Variants in SNX19 observed in about 807,000 individuals in gnomAD.
SNX19 encodes sorting nexin-19.
SNX19 carries 60 observed loss-of-function variants against 85.2 expected under a neutral mutation model. The ratio of observed to expected loss-of-function variants is 0.70; its 90% CI spans 0.57 to 0.87. The LOEUF (loss-of-function observed/expected upper bound fraction) is 0.87. Among genes scored for constraint, SNX19 ranks in the 40% least tolerant of loss-of-function variants. SNX19 has a pLI of 0.00. For missense variants in SNX19, 1,201 were observed against 1,217.8 expected (o/e 0.99, Z 0.21); for synonymous variants, 520 against 470.0 (o/e 1.11, Z -1.38).
chr11:130,905,692 T>C (rs780938546), intron 7 of SNX19: 1 of 1,524,404 alleles, frequency 6.6e-7, no homozygotes, highest in South Asian at 1.2e-5. Flanking sequence ...TAATGAGTTA[T>C]CAATATTATC....
At position 130,878,346 on chromosome 11, in the gene SNX19, C is replaced by A; in HGVS notation, c.*76G>T. 6.5e-7 allele frequency: 1 copy of A among 1,537,976 alleles called. No homozygotes were observed. The highest frequency in any genetic ancestry group is 1.3e-5 in the South Asian group (1 of 79,832). On this transcript the variant is annotated 3_prime_UTR_variant, in exon 11 of 11. Transcript: ENST00000265909. Reference sequence around the variant, plus strand: ...TTAGCTGTAGCCTACTTGAAGAGGGCACGGGCTTCCTGACTGGTCTCTGGT... The same window carrying A: ...TTAGCTGTAGCCTACTTGAAGAGGGAACGGGCTTCCTGACTGGTCTCTGGT...
At chr11:130,883,465 C>T (rs1943833422) in intron 8 of SNX19, among the ~76,000 whole-genome samples, 1 of 152,166 alleles carries the variant, frequency 6.6e-6, no homozygotes, top group Admixed American at 6.5e-5. Context: ...CACAAACTGG[C>T]AGAAATAAAC....
chr11:130,890,331 A>G (rs1944409873), intron 8 of SNX19, among the ~76,000 whole-genome samples: 2 of 152,138 alleles, frequency 1.3e-5, no homozygotes, highest in African/African-American at 2.4e-5. Context: ...CACCTTTTCT[A>G]TCAATGAAAC....
rs1942871523 is a variant in SNX19 at position 130,868,476 on chromosome 11, A to G, written c.*9946T>C. The stretch of plus-strand genomic sequence containing the variant: ...GATATGTGCTTATGAGATGGGTCAT[A>G]GTTAAGAGCTGCCAGCCTGGGGTCT... On this transcript the variant is annotated 3_prime_UTR_variant, in exon 11 of 11. Transcript: ENST00000265909. The G allele has an allele frequency of 6.6e-6, 1 of 152,160 alleles. No individual in the cohort carries two copies. 9.4% of individuals were successfully genotyped at this position (152,160 alleles called of 1,614,324 possible).
At chr11:130,890,043 G>T (rs76730605) in intron 8 of SNX19, among the ~76,000 whole-genome samples, 1 of 152,090 alleles carries the variant, frequency 6.6e-6, no homozygotes, top group African/African-American at 2.4e-5. Flanking sequence ...AATCAGAGTA[G>T]ATACTAATCT....
chr11:130,876,759 A>G lies in SNX19; in HGVS notation c.*1663T>C, dbSNP rs151098164. ...TCACGGAAAGTAGAGATGCTGAGCT[A>G]CCTTTTCTTGTCAAAGTCTAGGGCT... On this transcript the variant is annotated 3_prime_UTR_variant, in exon 11 of 11. Transcript: ENST00000265909. 107 of 152,772 alleles carry G rather than the reference A, an allele frequency of 7.0e-4. No homozygotes were observed. The highest frequency in any genetic ancestry group is 2.6e-3 in the African/African-American group (106 of 41,564). The allele number at this position is 152,772 out of a possible 1,614,324, so 9.5% of individuals were successfully genotyped here.
chr11:130,890,335 A>G (rs771469344), intron 8 of SNX19, among the ~76,000 whole-genome samples: 3 of 152,170 alleles, frequency 2.0e-5, no homozygotes, highest in Non-Finnish European at 4.4e-5. Context: ...TTTTCTATCA[A>G]TGAAACTCCT....
At chr11:130,892,975 A>T (rs1177627048) in intron 8 of SNX19, 2 of 152,258 alleles carry the variant, frequency 1.3e-5, no homozygotes, top group African/African-American at 2.4e-5. Context: ...TGGAGGGGAA[A>T]GGGCAGGGAG....
At chr11:130,910,245 A>T (rs767425731) in intron 3 of SNX19, 25 bp downstream of exon 3, 1 of 1,613,170 alleles carries the variant, frequency 6.2e-7, no homozygotes, top group Admixed American at 1.7e-5. Context: ...AAGTGAGAAC[A>T]AGGCCAAAAG....
chr11:130,914,816 G>A lies in SNX19; in HGVS notation c.1124C>T (p.Ser375Phe). Residue 375 changes from serine (S) to phenylalanine (F), a missense_variant, in exon 1 of 11, where the codon TCT becomes TTT. By Grantham distance (155) the Ser-to-Phe change is radical (BLOSUM62 -2). This residue lies in a region of SNX19 where 791 missense variants were observed against 750.9 expected (regional missense o/e 1.05). Transcript: ENST00000265909. ...TTCTTTGCCCAGTTCAGACAGCGGA[G>A]ACTCCAGCTCTGAGTCTTCACATAA... ...LFLCEDSELESPLSELGKETI... is the reference protein window; with the variant it reads ...LFLCEDSELEFPLSELGKETI... 6.2e-7 allele frequency: 1 copy of A among 1,614,214 alleles called. No individual in the cohort carries two copies. The highest frequency in any genetic ancestry group is 8.5e-7 in the Non-Finnish European group (1 of 1,180,046).
At chr11:130,895,198 A>G (rs920258633) in intron 8 of SNX19, 1 of 985,346 alleles carries the variant, frequency 1.0e-6, no homozygotes. Context: ...GATGGCCTGA[A>G]GGGCCCCCAA....
At chr11:130,909,896 G>A in intron 4 of SNX19, 122 bp downstream of exon 4, 8 of 1,261,412 alleles carry the variant, frequency 6.3e-6, no homozygotes, top group South Asian at 4.3e-5. Flanking sequence ...TTCTATTGAC[G>A]GCTCTGTGCT....
intron 3 of SNX19, 56 bp downstream of exon 3, chr11:130,910,214 T>G: frequency 6.2e-7 from 1 of 1,612,498 alleles, no homozygotes; most frequent in Admixed American, 1.7e-5. Flanking sequence ...TTGGGTGTTC[T>G]GGGGTTAGAC....
chr11:130,878,931 T>C (rs375914691), intron 10 of SNX19, among the ~76,000 whole-genome samples: 1 of 152,270 alleles, frequency 6.6e-6, no homozygotes, highest in African/African-American at 2.4e-5. Context: ...ATAGGCTGCC[T>C]TACAGGCAGT....
Position 130,915,702 on chromosome 11 carries a change from C to G in SNX19, c.238G>C (p.Glu80Gln). ...CAGGTGGCCAACGGGATGAAGCGTT[C>G]CAGATGCAGTCGACCTGAAGCCACT... is the stretch of plus-strand genomic sequence containing the variant. Reference protein sequence around the residue: ...AGVASGRLHLERFIPLATCPP... With the variant: ...AGVASGRLHLQRFIPLATCPP... Residue 80 changes from glutamate (E) to glutamine (Q), a missense_variant, in exon 1 of 11, where the codon GAA (glutamate) becomes CAA (glutamine). Physicochemically the swap from Glu to Gln is conservative, Grantham distance 29. Transcript: ENST00000265909. The G allele has an allele frequency of 6.2e-7, 1 of 1,614,230 alleles. No homozygotes were observed. The highest frequency in any genetic ancestry group is 8.5e-7 in the Non-Finnish European group (1 of 1,180,058).
intron 1 of SNX19, among the ~76,000 whole-genome samples, chr11:130,912,031 T>A (rs1003552471): frequency 2.0e-5 from 3 of 151,830 alleles, no homozygotes; most frequent in Non-Finnish European, 4.4e-5. Context: ...TAAAAATGGC[T>A]ACATAACTGT....
chr11:130,909,370 C>T (rs879374845), intron 4 of SNX19, among the ~76,000 whole-genome samples: 14 of 152,280 alleles, frequency 9.2e-5, no homozygotes, highest in Middle Eastern at 3.4e-3. Flanking sequence ...GCTACTCTTC[C>T]GCCAATGTGT....
At position 130,911,445 on chromosome 11, in the gene SNX19, G is replaced by A. The variant is rs554257614; in HGVS notation, c.1813+188C>T. On this transcript the variant is annotated intron_variant, in intron 2 of 10. Transcript: ENST00000265909. ...CAGAACAAAGCAGTTGGCAGTAAAG[G>A]ACTACCTCTGAAAGAATGTGATTGC... 53 of 1,408,296 alleles carry A rather than the reference G, an allele frequency of 3.8e-5. 1 individual carries two copies. The Admixed American group carries it at 7.2e-4, about 19-fold the overall frequency. The allele number at this position is 1,408,296 out of a possible 1,614,324, so 87.2% of individuals were successfully genotyped here.
In SNX19 at chr11:130,905,796, T is replaced by C. The variant is rs763336369; in HGVS notation, c.2443+157A>G. ...GTGGCAACTATGTACTACTCATCTC[T>C]GTGCCCCAACACAGCACCTCCAACA... On this transcript the variant is annotated intron_variant, in intron 7 of 10. Coordinates refer to ENST00000265909, the MANE Select transcript of SNX19 (RefSeq NM_014758.3). The C allele has an allele frequency of 3.2e-6, 5 of 1,540,796 alleles. No individual in the cohort carries two copies. In the South Asian group the frequency reaches 3.6e-5, roughly 11 times the overall value.
Sources: allele counts gnomAD v4.1 joint callset (sites outside exome capture counted in the v4.1 genomes callset), GRCh38; gene constraint gnomAD v4.1.1; regional missense constraint gnomAD v4.1.1; transcripts MANE v1.5; gene names NCBI Gene and HGNC (gene_info 2026-07-23, HGNC 2026-07-21).